Variants in RAD51B observed in about 807,000 individuals in gnomAD.
The protein encoded by RAD51B is DNA repair protein RAD51 homolog 2.
Under a neutral mutation model 42.2 loss-of-function variants are expected in RAD51B, and 38 were observed. The ratio of observed to expected loss-of-function variants is 0.90; its 90% CI spans 0.70 to 1.18. The LOEUF is 1.18. Ranked by LOEUF, RAD51B falls within the 50% of genes most tolerant of loss-of-function variation. The probability of loss-of-function intolerance (pLI) is 0.00; values close to 1 mark genes in which losing one functional copy is unlikely to be tolerated. For synonymous variants in RAD51B, 154 were observed against 145.2 expected (o/e 1.06, Z -0.43); for missense variants, 373 against 400.7 (o/e 0.93, Z 0.59).
At chr14:68,305,266 T>G (rs1361139745) in intron 8 of RAD51B, among the ~76,000 whole-genome samples, 1 of 152,250 alleles carries the variant, frequency 6.6e-6, no homozygotes, top group African/African-American at 2.4e-5. Flanking sequence ...TTCATTCATT[T>G]ACACGTTAAG....
chr14:68,227,683 G>A (rs2080066412), intron 7 of RAD51B, among the ~76,000 whole-genome samples: 1 of 152,052 alleles, frequency 6.6e-6, no homozygotes, highest in African/African-American at 2.4e-5. Context: ...TTTCTTCAGG[G>A]TCCGTCAACT....
intron 7 of RAD51B, among the ~76,000 whole-genome samples, chr14:68,166,966 A>G (rs1202289556): frequency 6.6e-6 from 1 of 151,996 alleles, no homozygotes; most frequent in Admixed American, 6.6e-5. Context: ...TACTACCTTA[A>G]TTCGGCTTTT....
intron 7 of RAD51B, among the ~76,000 whole-genome samples, chr14:68,089,539 C>A (rs899201668): frequency 2.6e-5 from 4 of 152,066 alleles, no homozygotes; most frequent in Non-Finnish European, 5.9e-5. Flanking sequence ...GAACTCAATA[C>A]CCTACTATAA....
intron 10 of RAD51B, among the ~76,000 whole-genome samples, chr14:68,487,946 C>T (rs1883758269): frequency 6.6e-6 from 1 of 152,158 alleles, no homozygotes; most frequent in South Asian, 2.1e-4. Context: ...CATCCCTTAT[C>T]CTCTGATCTT....
intron 7 of RAD51B, among the ~76,000 whole-genome samples, chr14:68,017,216 G>A (rs1834459579): frequency 6.6e-6 from 1 of 151,572 alleles, no homozygotes; most frequent in African/African-American, 2.4e-5. Flanking sequence ...TTTTTTTTGA[G>A]ATGGAATCTC....
intron 10 of RAD51B, among the ~76,000 whole-genome samples, chr14:68,557,292 C>T (rs781157156): frequency 6.6e-6 from 1 of 152,150 alleles, no homozygotes; most frequent in South Asian, 2.1e-4. Context: ...AGCTTAGCCT[C>T]GCCTACCGTA....
intron 7 of RAD51B, among the ~76,000 whole-genome samples, chr14:67,924,581 A>G (rs1053249078): frequency 6.6e-6 from 1 of 152,216 alleles, no homozygotes; most frequent in Non-Finnish European, 1.5e-5. Context: ...CAGCAGGCAA[A>G]GACTTTGTGC....
chr14:67,858,306 A>G (rs2042061379), intron 4 of RAD51B, among the ~76,000 whole-genome samples: 2 of 152,330 alleles, frequency 1.3e-5, no homozygotes, highest in South Asian at 2.1e-4. Context: ...GTGAAGGCAG[A>G]TAATTTTATT....
chr14:68,632,504 G>C (rs970892232), intron 10 of RAD51B, among the ~76,000 whole-genome samples: 3 of 152,176 alleles, frequency 2.0e-5, no homozygotes, highest in South Asian at 2.1e-4. Context: ...AAGTTGTCTA[G>C]GGTCCTGGGG....
intron 10 of RAD51B, among the ~76,000 whole-genome samples, chr14:68,474,451 C>A (rs1365637687): frequency 6.6e-6 from 1 of 151,808 alleles, no homozygotes; most frequent in African/African-American, 2.4e-5. Context: ...TAAAAAAATT[C>A]TTCATTTCCC....
intron 10 of RAD51B, among the ~76,000 whole-genome samples, chr14:68,504,529 G>A (rs949150504): frequency 3.3e-5 from 5 of 152,174 alleles, no homozygotes; most frequent in Admixed American, 2.6e-4. Flanking sequence ...AAATGTGTCT[G>A]GGCTGGGCCC....
chr14:67,824,066 A>G (rs936871880), intron 2 of RAD51B, among the ~76,000 whole-genome samples: 5 of 152,182 alleles, frequency 3.3e-5, no homozygotes, highest in Non-Finnish European at 5.9e-5. Flanking sequence ...CAGGGTAAAT[A>G]AGATTTAAAG....
chr14:68,562,309 G>A (rs1353821818), intron 10 of RAD51B: 1 of 985,414 alleles, frequency 1.0e-6, no homozygotes, highest in Non-Finnish European at 1.2e-6. Flanking sequence ...CCAAACCTCT[G>A]CCTGACGAAG....
chr14:68,448,467 T>A (rs964415797), intron 9 of RAD51B, among the ~76,000 whole-genome samples: 1 of 152,196 alleles, frequency 6.6e-6, no homozygotes, highest in Non-Finnish European at 1.5e-5. Context: ...TAGCTTCTTA[T>A]GGGCAGGGAC....
intron 10 of RAD51B, chr14:68,628,562 G>A (rs2145156): frequency 0.059 from 8,929 of 152,258 alleles, 335 homozygotes; most frequent in African/African-American, 0.088. Context: ...GACGGCAGGC[G>A]CGGCACAACG....
At chr14:67,956,541 A>G (rs1415856833) in intron 7 of RAD51B, among the ~76,000 whole-genome samples, 1 of 152,214 alleles carries the variant, frequency 6.6e-6, no homozygotes, top group Non-Finnish European at 1.5e-5. Context: ...TCTACTATCT[A>G]TAAGATGATG....
intron 8 of RAD51B, among the ~76,000 whole-genome samples, chr14:68,351,648 G>A (rs2082791301): frequency 6.6e-6 from 1 of 152,196 alleles, no homozygotes; most frequent in Admixed American, 6.5e-5. Context: ...GAGAGAGGAG[G>A]CATTGATTAG....
chr14:68,103,418 A>G (rs2077324182), intron 7 of RAD51B, among the ~76,000 whole-genome samples: 1 of 152,214 alleles, frequency 6.6e-6, no homozygotes, highest in African/African-American at 2.4e-5. Context: ...CATGAAGAGT[A>G]TGATGATAAA....
chr14:68,657,053 A>G (rs61987122), intron 11 of RAD51B, among the ~76,000 whole-genome samples: 6,365 of 152,278 alleles, frequency 0.042, 184 homozygotes, highest in Non-Finnish European at 0.061. Context: ...GTTTCTACAA[A>G]GATGGAATGT....
Sources: allele counts gnomAD v4.1 joint callset (sites outside exome capture counted in the v4.1 genomes callset), GRCh38; gene constraint gnomAD v4.1.1; transcripts MANE v1.5; gene names NCBI Gene and HGNC (gene_info 2026-07-23, HGNC 2026-07-21).